Variants in TMBIM4 observed in about 807,000 individuals in gnomAD.
TMBIM4 encodes the protein transmembrane BAX inhibitor motif containing 4.
A neutral mutation model predicts 27.7 loss-of-function variants in TMBIM4; 28 were observed. The ratio of observed to expected loss-of-function variants is 1.01; its 90% CI spans 0.75 to 1.38. The LOEUF (loss-of-function observed/expected upper bound fraction) is 1.38. Ranked by LOEUF, TMBIM4 falls within the 40% of genes most tolerant of loss-of-function variation. The pLI, the probability that TMBIM4 is intolerant of heterozygous loss-of-function variation, is 0.00. For synonymous variants in TMBIM4, 115 were observed against 113.1 expected, an observed-to-expected ratio of 1.02 and a Z score of -0.11; for missense variants, 265 against 277.5, an observed-to-expected ratio of 0.95 and a Z score of 0.32.
Position 66,158,468 on chromosome 12 carries a change from G to A in TMBIM4, c.98-5020C>T, listed in dbSNP as rs12320982. On this transcript the variant is annotated intron_variant, in intron 1 of 6. Coordinates refer to ENST00000358230, the MANE Select transcript of TMBIM4 (RefSeq NM_016056.4). ...ATCCTGGCCAACATGGTGAAACCCC[G>A]TCTCTACTAAAAATACAAAAATTAG... Among the ~76,000 whole-genome samples the A allele has an allele frequency of 8.0e-3, 1,213 of 151,516 alleles. 20 individuals are homozygous for A. The highest frequency in any genetic ancestry group is 0.027 in the African/African-American group (1,126 of 41,310).
At chr12:66,160,848 A>C (rs1406999871) in intron 1 of TMBIM4, among the ~76,000 whole-genome samples, 1 of 146,756 alleles carries the variant, frequency 6.8e-6, no homozygotes, top group Non-Finnish European at 1.5e-5. Flanking sequence ...GCAGCTTGGC[A>C]GAGTCGCTCC....
chr12:66,139,492 A>G (rs1279583755), intron 5 of TMBIM4, among the ~76,000 whole-genome samples: 1 of 152,186 alleles, frequency 6.6e-6, no homozygotes, highest in Non-Finnish European at 1.5e-5. Context: ...TCCTGAGATA[A>G]AGGATACAAA....
chr12:66,136,854 G>C lies in TMBIM4; in HGVS notation c.*1106C>G, dbSNP rs1266457735. 6.6e-6 allele frequency: 1 copy of C among 152,196 alleles called. No homozygotes were observed. The highest frequency in any genetic ancestry group is 1.5e-5 in the Non-Finnish European group (1 of 68,024). The allele number at this position is 152,196 out of a possible 1,614,324, so 9.4% of individuals were successfully genotyped here. A position where few individuals can be genotyped will look rare whatever the true frequency, so the allele number is the denominator to read the frequency against. ...GCAGCCTAACAAACTAGTACAGTGA[G>C]GGAATTTGACAAAATTTCATTGGTT... On this transcript the variant is annotated 3_prime_UTR_variant, in exon 7 of 7. Transcript: ENST00000358230.
chr12:66,160,440 G>A (rs2136878792), intron 1 of TMBIM4: 55 of 527,424 alleles, frequency 1.0e-4, no homozygotes, highest in South Asian at 3.7e-4. Flanking sequence ...ACTATTTGAA[G>A]GAATAAAAAA....
chr12:66,157,984 T>C (rs1252380538), intron 1 of TMBIM4, among the ~76,000 whole-genome samples: 2 of 152,008 alleles, frequency 1.3e-5, no homozygotes, highest in Non-Finnish European at 2.9e-5. Flanking sequence ...CCCAGCACTT[T>C]GGGAGGCCAA....
intron 5 of TMBIM4, among the ~76,000 whole-genome samples, chr12:66,142,916 A>G (rs1305928652): frequency 6.6e-6 from 1 of 152,150 alleles, no homozygotes. Context: ...CACTATTGAC[A>G]ATACATATTA....
At chr12:66,162,482 C>A (rs1263483448) in intron 1 of TMBIM4, among the ~76,000 whole-genome samples, 1 of 152,184 alleles carries the variant, frequency 6.6e-6, no homozygotes, top group Non-Finnish European at 1.5e-5. Flanking sequence ...CCAGTTCACA[C>A]TGTAAAAGTG....
At chr12:66,166,461 T>G (rs1456778169) in intron 1 of TMBIM4, among the ~76,000 whole-genome samples, 2 of 93,988 alleles carry the variant, frequency 2.1e-5, no homozygotes, top group Admixed American at 1.2e-4. Context: ...TGATACTTTG[T>G]CTCAAAAAAA....
At chr12:66,160,443 A>AT in intron 1 of TMBIM4, 2 of 557,436 alleles carry the variant, frequency 3.6e-6, no homozygotes, top group South Asian at 2.5e-5. Flanking sequence ...ATTTGAAGGA[A>AT]TAAAAAAAAG....
intron 1 of TMBIM4, chr12:66,168,804 T>C (rs2052179349): frequency 6.5e-6 from 1 of 152,972 alleles, no homozygotes; most frequent in South Asian, 1.9e-4. Flanking sequence ...CAAACTCCGT[T>C]AGATTTAATG....
rs1036986923 is a variant in TMBIM4 at position 66,137,132 on chromosome 12, G to C, written c.*828C>G. 6.6e-6 allele frequency: 1 copy of C among 152,006 alleles called. No individual in the cohort carries two copies. Among genetic ancestry groups the C allele is most frequent in the African/African-American group, 2.4e-5 (1 of 41,350 alleles). The allele number at this position is 152,006 out of a possible 1,614,324, so 9.4% of individuals were successfully genotyped here. The stretch of plus-strand genomic sequence containing the variant: ...ATGTTAGTACAATTTAAAATAAAAA[G>C]TCATTAACATTTTAATGTAATACTG... On this transcript the variant is annotated 3_prime_UTR_variant, in exon 7 of 7. Transcript: ENST00000358230.
At chr12:66,145,983 C>T in intron 4 of TMBIM4, 25 bp from the exon 5 acceptor site, 10 of 1,264,734 alleles carry the variant, frequency 7.9e-6, no homozygotes, top group Non-Finnish European at 1.1e-5. Flanking sequence ...CACTGATTAA[C>T]ATGCATATAA....
chr12:66,152,618 C>T (rs1460698586), intron 2 of TMBIM4, among the ~76,000 whole-genome samples: 1 of 151,864 alleles, frequency 6.6e-6, no homozygotes, highest in Non-Finnish European at 1.5e-5. Context: ...TTTCTTTTTA[C>T]CATATAAACT....
chr12:66,139,289 G>T (rs2051628456), intron 5 of TMBIM4, among the ~76,000 whole-genome samples: 2 of 152,266 alleles, frequency 1.3e-5, no homozygotes, highest in East Asian at 1.9e-4. Context: ...GTTATATATA[G>T]AGAGTATAAA....
chr12:66,151,288 T>C (rs1346851947), intron 3 of TMBIM4, among the ~76,000 whole-genome samples: 2 of 152,146 alleles, frequency 1.3e-5, no homozygotes, highest in African/African-American at 4.8e-5. Flanking sequence ...GGCTGGAGTT[T>C]AGTCACGTGA....
intron 2 of TMBIM4, 131 bp downstream of exon 2, chr12:66,153,209 A>T (rs1014891910): frequency 1.6e-6 from 1 of 607,156 alleles, no homozygotes; most frequent in Non-Finnish European, 2.9e-6. Flanking sequence ...AATCAGGCTT[A>T]TAAGAGTAAA....
intron 1 of TMBIM4, chr12:66,160,331 T>C (rs990174874): frequency 3.0e-6 from 2 of 670,136 alleles, no homozygotes; most frequent in Non-Finnish European, 5.4e-6. Flanking sequence ...AAATTTAAAA[T>C]GCACATACTC....
intron 1 of TMBIM4, among the ~76,000 whole-genome samples, chr12:66,161,736 T>C (rs1293481752): frequency 1.3e-5 from 2 of 152,224 alleles, no homozygotes; most frequent in Admixed American, 1.3e-4. Context: ...AATCAGCTTT[T>C]GTAGTGATGT....
Position 66,136,076 on chromosome 12 carries a change from A to T in TMBIM4, c.*1884T>A, listed in dbSNP as rs1247106725. On this transcript the variant is annotated 3_prime_UTR_variant, in exon 7 of 7. Transcript: ENST00000358230. ...TTATCAATAAAAAAATAAATTAAAA[A>T]AAAAAAAAAAAAAAAAAAAAGAAAA... 4.8e-5 allele frequency: 7 copies of T among 144,568 alleles called. 2 individuals are homozygous for T. Among genetic ancestry groups the T allele is most frequent in the African/African-American group, 1.8e-4 (7 of 39,850 alleles). The allele number at this position is 144,568 out of a possible 1,614,324, so 9.0% of individuals were successfully genotyped here. A position where few individuals can be genotyped will look rare whatever the true frequency, so the allele number is the denominator to read the frequency against.
Sources: gnomAD v4.1 joint callset for allele counts (sites outside exome capture counted in the v4.1 genomes callset) on GRCh38, gnomAD v4.1.1 for gene constraint, MANE v1.5 for transcripts, NCBI Gene and HGNC (gene_info 2026-07-23, HGNC 2026-07-21) for gene names.